KCNH7: variants seen among roughly 807,000 people sequenced by gnomAD.
The protein encoded by KCNH7 is voltage-gated inwardly rectifying potassium channel KCNH7.
In KCNH7, 49 loss-of-function variants were observed where a neutral mutation model predicts 120.8. The ratio of observed to expected loss-of-function variants is 0.41; its 90% confidence interval spans 0.32 to 0.51. The LOEUF is 0.51. Among genes scored for constraint, KCNH7 ranks in the 20% least tolerant of loss-of-function variants. The probability of loss-of-function intolerance (pLI) is 0.38; values close to 1 mark genes in which losing one functional copy is unlikely to be tolerated. For missense variants in KCNH7, 1,097 were observed against 1,446.6 expected (o/e 0.76, Z 3.92); for synonymous variants, 547 against 516.1 (o/e 1.06, Z -0.81).
chr2:162,422,132 A>G (rs1558936551), intron 9 of KCNH7, among the ~76,000 whole-genome samples: 2 of 152,184 alleles, frequency 1.3e-5, no homozygotes, highest in African/African-American at 2.4e-5. Flanking sequence ...AAAAGTGTTC[A>G]TTTGATTAGC....
intron 2 of KCNH7, among the ~76,000 whole-genome samples, chr2:162,556,477 C>T (rs982700002): frequency 2.0e-5 from 3 of 152,040 alleles, no homozygotes; most frequent in African/African-American, 7.2e-5. Context: ...TTTTTAATAC[C>T]TAGTATGTAT....
At chr2:162,473,470 C>T (rs1689633636) in intron 6 of KCNH7, among the ~76,000 whole-genome samples, 1 of 152,088 alleles carries the variant, frequency 6.6e-6, no homozygotes, top group Non-Finnish European at 1.5e-5. Flanking sequence ...GGGCAGCTTT[C>T]TCTTCAAAGC....
intron 2 of KCNH7, among the ~76,000 whole-genome samples, chr2:162,799,741 C>A (rs1684274185): frequency 6.6e-6 from 1 of 151,928 alleles, no homozygotes; most frequent in Non-Finnish European, 1.5e-5. Flanking sequence ...ACAGGTGCAA[C>A]TGGAACAGAC....
intron 1 of KCNH7, among the ~76,000 whole-genome samples, chr2:162,838,172 T>C (rs969955882): frequency 1.3e-5 from 2 of 152,146 alleles, no homozygotes; most frequent in African/African-American, 4.8e-5. Flanking sequence ...GATAGTAGAA[T>C]AGTAGGAAAT....
At chr2:162,625,586 A>G (rs2105205171) in intron 2 of KCNH7, among the ~76,000 whole-genome samples, 1 of 152,276 alleles carries the variant, frequency 6.6e-6, no homozygotes, top group Non-Finnish European at 1.5e-5. Flanking sequence ...TTATTGCAAG[A>G]TTTAAAAATA....
At chr2:162,635,717 TA>T (rs1365032084) in intron 2 of KCNH7, among the ~76,000 whole-genome samples, 1 of 152,130 alleles carries the variant, frequency 6.6e-6, no homozygotes, top group South Asian at 2.1e-4. Context: ...TTCTCCATTT[TA>T]TCTTGTGCAA....
At chr2:162,580,851 T>A (rs911774782) in intron 2 of KCNH7, among the ~76,000 whole-genome samples, 14 of 152,012 alleles carry the variant, frequency 9.2e-5, no homozygotes, top group Non-Finnish European at 1.3e-4. Flanking sequence ...GAGGAACATG[T>A]AGAGAGAAAC....
chr2:162,745,683 T>TACC, intron 2 of KCNH7, among the ~76,000 whole-genome samples: 1 of 152,258 alleles, frequency 6.6e-6, no homozygotes, highest in Middle Eastern at 3.4e-3. Context: ...TATGGCAGTA[T>TACC]ACCACTTTCT....
At chr2:162,395,913 T>C (rs960820041) in intron 11 of KCNH7, among the ~76,000 whole-genome samples, 1 of 151,730 alleles carries the variant, frequency 6.6e-6, no homozygotes, top group Non-Finnish European at 1.5e-5. Context: ...TTACTTAGCA[T>C]TTAAATACAC....
intron 2 of KCNH7, among the ~76,000 whole-genome samples, chr2:162,746,073 T>C (rs1485777654): frequency 1.3e-5 from 2 of 152,110 alleles, no homozygotes; most frequent in African/African-American, 2.4e-5. Context: ...AATGTCACTG[T>C]TGTAGTCCCT....
chr2:162,646,574 C>T (rs567589408), intron 2 of KCNH7, among the ~76,000 whole-genome samples: 2 of 152,212 alleles, frequency 1.3e-5, no homozygotes, highest in South Asian at 4.1e-4. Flanking sequence ...ATGACATGAG[C>T]ACTCAAAAGC....
At chr2:162,462,948 A>G (rs1689192865) in intron 6 of KCNH7, among the ~76,000 whole-genome samples, 1 of 152,040 alleles carries the variant, frequency 6.6e-6, no homozygotes, top group Admixed American at 6.6e-5. Flanking sequence ...TTCCTGCTAA[A>G]TTTTCCTATC....
chr2:162,567,058 A>G (rs1693280483), intron 2 of KCNH7, among the ~76,000 whole-genome samples: 1 of 152,038 alleles, frequency 6.6e-6, no homozygotes, highest in Non-Finnish European at 1.5e-5. Context: ...ATACAAGAAA[A>G]TAAGACAACT....
intron 2 of KCNH7, among the ~76,000 whole-genome samples, chr2:162,558,613 T>TTTA (rs1692946025): frequency 6.6e-6 from 1 of 150,868 alleles, no homozygotes; most frequent in African/African-American, 2.5e-5. Context: ...TGGGGTAAGT[T>TTTA]ACATGACCTT....
chr2:162,427,092 G>A (rs1687888421), intron 8 of KCNH7, among the ~76,000 whole-genome samples: 2 of 151,576 alleles, frequency 1.3e-5, no homozygotes, highest in African/African-American at 4.8e-5. Flanking sequence ...TGCATCATAT[G>A]GCTATACCAC....
intron 2 of KCNH7, among the ~76,000 whole-genome samples, chr2:162,696,016 T>G (rs183845451): frequency 1.5e-4 from 23 of 152,314 alleles, no homozygotes; most frequent in African/African-American, 5.0e-4. Flanking sequence ...AAAGAAATAT[T>G]GTTTGCATAA....
Position 162,384,688 on chromosome 2 carries a change from C to G in KCNH7, c.2962G>C (p.Asp988His). Reference protein sequence around the residue: ...HIDKRSHSCKDITDMRSWERE... With the variant: ...HIDKRSHSCKHITDMRSWERE... ...CACCTGATGTCTAACTCTGGATTACCTTTGCAAGAGTGACTTCTTTTATCT... is the reference window on the plus strand; with the variant it reads ...CACCTGATGTCTAACTCTGGATTACGTTTGCAAGAGTGACTTCTTTTATCT... Residue 988 changes from aspartate (D) to histidine (H), a missense_variant and splice_region_variant, in exon 13 of 16, where the codon GAT becomes CAT. Asp to His is a moderately conservative substitution (Grantham distance 81, BLOSUM62 -1). Coordinates refer to ENST00000332142, the MANE Select transcript of KCNH7 (RefSeq NM_033272.4). 1.2e-6 allele frequency: 2 copies of G among 1,611,736 alleles called. No homozygotes were observed. Among genetic ancestry groups the G allele is most frequent in the African/African-American group, 1.3e-5 (1 of 74,858 alleles).
rs7572411 is a variant in KCNH7, at chr2:162,495,420, C to T, written c.1128+9023G>A. ...ATCATAGGTATTTCAGAGTACAAATCCATGGCTGGGCTAGGCTTTAAAAGG... is the reference window on the plus strand; with the variant it reads ...ATCATAGGTATTTCAGAGTACAAATTCATGGCTGGGCTAGGCTTTAAAAGG... On this transcript the variant is annotated intron_variant, in intron 6 of 15. Coordinates refer to ENST00000332142, the MANE Select transcript of KCNH7 (RefSeq NM_033272.4). 5.7e-3 allele frequency among the ~76,000 whole-genome samples: 864 copies of T among 152,252 alleles called. 10 individuals carry two copies. The highest frequency in any genetic ancestry group is 0.018 in the African/African-American group (751 of 41,558).
intron 2 of KCNH7, among the ~76,000 whole-genome samples, chr2:162,644,964 T>A (rs1574213352): frequency 6.6e-6 from 1 of 152,190 alleles, no homozygotes; most frequent in Non-Finnish European, 1.5e-5. Flanking sequence ...TATGTGTGTG[T>A]GTATATATAA....
Sources: allele counts gnomAD v4.1 joint callset (sites outside exome capture counted in the v4.1 genomes callset), GRCh38; gene constraint gnomAD v4.1.1; transcripts MANE v1.5; gene names NCBI Gene and HGNC (gene_info 2026-07-23, HGNC 2026-07-21).